The following DNMT3A variants were observed in gnomAD, a reference collection of about 807,000 sequenced individuals.
DNMT3A encodes DNA methyltransferase 3 alpha, also known as DNA (cytosine-5)-methyltransferase 3A.
In DNMT3A, 267 loss-of-function variants were observed where a neutral mutation model predicts 117.6. The observed-to-expected ratio is 2.27, with a 90% CI of 2.05 to 2.51. The LOEUF is 2.51. Among genes scored for constraint, DNMT3A ranks in the 30% most tolerant of loss-of-function variants. The pLI, the probability that DNMT3A is intolerant of heterozygous loss-of-function variation, is 0.00. For synonymous variants in DNMT3A, 432 were observed against 474.8 expected, an observed-to-expected ratio of 0.91 and a Z score of 1.17; for missense variants, 1,029 against 1,260.2, an observed-to-expected ratio of 0.82 and a Z score of 2.78.
At chr2:25,278,919 G>A (rs2031675096) in intron 4 of DNMT3A, among the ~76,000 whole-genome samples, 1 of 152,186 alleles carries the variant, frequency 6.6e-6, no homozygotes, top group Admixed American at 6.5e-5. Context: ...TGGGAAGCAT[G>A]AGGCCCTCTT....
intron 16 of DNMT3A, among the ~76,000 whole-genome samples, chr2:25,243,298 CAA>C (rs557193872): frequency 1.0e-4 from 7 of 69,244 alleles, no homozygotes; most frequent in Admixed American, 1.6e-4. Flanking sequence ...GACTCCGTCT[CAA>C]AAAAAAAAAA....
At chr2:25,239,808 C>A (rs1387019537) in intron 19 of DNMT3A, among the ~76,000 whole-genome samples, 2 of 152,228 alleles carry the variant, frequency 1.3e-5, no homozygotes, top group Non-Finnish European at 2.9e-5. Flanking sequence ...CCTCTGGCAG[C>A]AGAAGCCCTC....
Position 25,246,304 on chromosome 2 carries a change from TCTCTTCTGGAGGAGGA to T in DNMT3A, c.1280-11_1284del. 1 of 1,603,610 alleles carries T rather than the reference TCTCTTCTGGAGGAGGA, an allele frequency of 6.2e-7. No individual in the cohort carries two copies. The highest frequency in any genetic ancestry group is 1.1e-5 in the South Asian group (1 of 89,688). On this transcript the variant is annotated splice_acceptor_variant and splice_polypyrimidine_tract_variant and coding_sequence_variant and intron_variant, in exon 11 of 23. Transcript: ENST00000321117. LOFTEE classifies it high-confidence loss of function. ...GTGTACACTTCTTTGTAGGGATTCT[TCTCTTCTGGAGGAGGA>T]AAGCAGGTGCCAAGGTCAGTTACAG...
At chr2:25,253,032 GT>G (rs2149328953) in intron 6 of DNMT3A, among the ~76,000 whole-genome samples, 1 of 152,324 alleles carries the variant, frequency 6.6e-6, no homozygotes, top group South Asian at 2.1e-4. Context: ...TCATTTTCCT[GT>G]TTGCAAGGTT....
intron 1 of DNMT3A, 116 bp downstream of exon 1, chr2:25,341,710 G>C (rs2035464558): frequency 1.3e-6 from 1 of 765,818 alleles, no homozygotes; most frequent in African/African-American, 1.9e-5. Flanking sequence ...AGTTGCAGGG[G>C]TCCGGGAGCG....
intron 2 of DNMT3A, among the ~76,000 whole-genome samples, chr2:25,313,588 G>A (rs2034239986): frequency 6.6e-6 from 1 of 152,224 alleles, no homozygotes; most frequent in Admixed American, 6.5e-5. Context: ...TAAGAGGCGG[G>A]TCCGAGAAGG....
Position 25,248,063 on chromosome 2 carries a change from C to CT in DNMT3A, c.828dup (p.Ala277SerfsTer4). The CT allele has an allele frequency of 6.2e-7, 1 of 1,612,544 alleles. No individual in the cohort carries two copies. Among genetic ancestry groups the CT allele is most frequent in the Non-Finnish European group, 8.5e-7 (1 of 1,179,992 alleles). ...TCGTACTCTGGCTCGTCATCGCCTG[C>CT]TTTGGTGGCATTCTTGTCCCCAGCA... On this transcript the variant is annotated frameshift_variant, in exon 7 of 23. Transcript: ENST00000321117. LOFTEE classifies it high-confidence loss of function.
Position 25,247,135 on chromosome 2 carries a change from C to T in DNMT3A, c.1038G>A (p.Pro346=), listed in dbSNP as rs199924489. Residue 346 remains proline, a synonymous_variant, in exon 9 of 23, where the codon CCG becomes CCA. Coordinates refer to ENST00000321117, the MANE Select transcript of DNMT3A (RefSeq NM_022552.5). The surrounding 1 kb of genome is among the most constrained non-coding windows in gnomAD (Gnocchi z 5.6). ...GGAACGCACTGCAAAACGAGCTCAG[C>T]GGCATCAGCTTCTCAACACACACCT... ...FSVVCVEKLM[P]LSSFCSAFHQ... is the part of the protein sequence containing the mutation. 8.4e-5 allele frequency: 136 copies of T among 1,614,032 alleles called. No individual in the cohort carries two copies. Among genetic ancestry groups the T allele is most frequent in the East Asian group, 6.2e-4 (28 of 44,876 alleles).
Position 25,260,804 on chromosome 2 carries a change from C to T in DNMT3A, c.640-12552G>A, listed in dbSNP as rs115408459. Among the ~76,000 whole-genome samples the T allele has an allele frequency of 1.6e-3, 245 of 152,154 alleles. 1 individual carries two copies. The highest frequency in any genetic ancestry group is 5.8e-3 in the African/African-American group (241 of 41,516). On this transcript the variant is annotated intron_variant, in intron 6 of 22. Coordinates refer to ENST00000321117, the MANE Select transcript of DNMT3A (RefSeq NM_022552.5). The stretch of plus-strand genomic sequence containing the variant: ...AGTGCGGACTGAGAGGTGAAGGATG[C>T]GGGGTGGTCGCAGGGAGTTGATGGA...
intron 3 of DNMT3A, among the ~76,000 whole-genome samples, chr2:25,292,071 A>G (rs2032800858): frequency 6.6e-6 from 1 of 152,154 alleles, no homozygotes; most frequent in Non-Finnish European, 1.5e-5. Context: ...CCTGGCCAAC[A>G]TGGTGAAACC....
intron 12 of DNMT3A, among the ~76,000 whole-genome samples, chr2:25,245,675 G>A (rs959674210): frequency 1.3e-5 from 2 of 152,216 alleles, no homozygotes; most frequent in African/African-American, 4.8e-5. Context: ...AGGGTCCTGA[G>A]CCAGATCCAC....
At chr2:25,251,530 T>C (rs2149323522) in intron 6 of DNMT3A, among the ~76,000 whole-genome samples, 1 of 152,214 alleles carries the variant, frequency 6.6e-6, no homozygotes. Context: ...CCTCAGGCAG[T>C]TGTCCCGCCT....
intron 1 of DNMT3A, among the ~76,000 whole-genome samples, chr2:25,330,596 C>T (rs2034980560): frequency 6.6e-6 from 1 of 152,244 alleles, no homozygotes; most frequent in Admixed American, 6.5e-5. Context: ...GCTCGGAAAG[C>T]AGGGCAGCCT....
At chr2:25,241,861 C>T (rs1674101661) in intron 16 of DNMT3A, 154 bp from the exon 17 acceptor site, 1 of 945,712 alleles carries the variant, frequency 1.1e-6, no homozygotes, top group Non-Finnish European at 1.6e-6. Flanking sequence ...CTTTCTGGAT[C>T]CAACTGGAGT....
chr2:25,253,965 G>A (rs1163577968), intron 6 of DNMT3A, among the ~76,000 whole-genome samples: 2 of 152,036 alleles, frequency 1.3e-5, no homozygotes, highest in African/African-American at 4.8e-5. Context: ...CCAGCTACTT[G>A]GGAGGCTGAG....
chr2:25,246,517 T>C, intron 10 of DNMT3A, 103 bp downstream of exon 10: 1 of 1,508,262 alleles, frequency 6.6e-7, no homozygotes, highest in Non-Finnish European at 8.9e-7. Flanking sequence ...ACTGGGCCCC[T>C]CTGTGGAGGC....
At chr2:25,334,848 A>T (rs2035147619) in intron 1 of DNMT3A, among the ~76,000 whole-genome samples, 1 of 152,234 alleles carries the variant, frequency 6.6e-6, no homozygotes, top group South Asian at 2.1e-4. Context: ...CCATTATAAA[A>T]AAGAGTCCAT....
rs2149325927 is a variant in DNMT3A at position 25,252,147 on chromosome 2, C to T, written c.640-3895G>A. 2 of 1,547,524 alleles carry T rather than the reference C, an allele frequency of 1.3e-6. No individual in the cohort carries two copies. Among genetic ancestry groups the T allele is most frequent in the East Asian group, 5.0e-5 (2 of 40,118 alleles). ...TGCGGAGATCCTCCCACCGGCCCTG[C>T]CGCCTCCCCGCCCCCGGTCTCCCCG... On this transcript the variant is annotated intron_variant, in intron 6 of 22. Transcript: ENST00000321117. The surrounding 1 kb of genome is among the most constrained non-coding windows in gnomAD (Gnocchi z 5.5).
rs1372065465 is a variant in DNMT3A, at chr2:25,298,259, C to G, written c.177+1880G>C. The stretch of plus-strand genomic sequence containing the variant: ...CTTCTGCCCTGGAGCGTGCTTCAGG[C>G]CAGGGGATGTAGGACTGCCGGCCCC... On this transcript the variant is annotated intron_variant, in intron 3 of 22. Coordinates refer to ENST00000321117, the MANE Select transcript of DNMT3A (RefSeq NM_022552.5). The surrounding 1 kb of genome is among the most constrained non-coding windows in gnomAD (Gnocchi z 4.3). Among the ~76,000 whole-genome samples, 3 of 152,204 alleles carry G rather than the reference C, an allele frequency of 2.0e-5. No individual in the cohort carries two copies. The highest frequency in any genetic ancestry group is 2.9e-5 in the Non-Finnish European group (2 of 68,028).
Sources: gnomAD v4.1 joint callset for allele counts (sites outside exome capture counted in the v4.1 genomes callset) on GRCh38, gnomAD v4.1.1 for gene constraint, Gnocchi (gnomAD v3.1) non-coding constraint, MANE v1.5 for transcripts, NCBI Gene and HGNC (gene_info 2026-07-23, HGNC 2026-07-21) for gene names.